Variants in ABCA13 observed in about 807,000 individuals in gnomAD.
ABCA13 encodes the protein ATP-binding cassette sub-family A member 13.
A neutral mutation model predicts 478.7 loss-of-function variants in ABCA13; 476 were observed. That is an observed-to-expected ratio of 0.99 (90% CI 0.92 to 1.07). The LOEUF (loss-of-function observed/expected upper bound fraction) is 1.07, where lower values mean the gene tolerates loss of function less well. ABCA13 is among the 50% of genes least tolerant of loss of function. The pLI is 0.00. For synonymous variants in ABCA13, 2,252 were observed against 2,158.9 expected (o/e 1.04, Z -1.20); for missense variants, 6,060 against 5,910.6 (o/e 1.03, Z -0.83).
Position 48,278,446 on chromosome 7 carries a change from G to C in ABCA13, c.7252G>C (p.Glu2418Gln). Residue 2418 changes from glutamate to glutamine, a missense_variant, in exon 18 of 62, where the codon GAA (glutamate) becomes CAA (glutamine). Physicochemically the swap from Glu to Gln is conservative, Grantham distance 29. Transcript: ENST00000435803. Reference sequence around the variant, plus strand: ...TGGGTCAGCTCTTCACCTTGTAAGAGAATGTTCAACAGAGATGGCAAGACT... The same window carrying C: ...TGGGTCAGCTCTTCACCTTGTAAGACAATGTTCAACAGAGATGGCAAGACT... ...DLGSALHLVR[E>Q]CSTEMARLLD... The C allele has an allele frequency of 1.2e-6, 2 of 1,613,970 alleles. No homozygotes were observed. Among genetic ancestry groups the C allele is most frequent in the South Asian group, 2.2e-5 (2 of 91,080 alleles).
intron 23 of ABCA13, among the ~76,000 whole-genome samples, chr7:48,299,288 T>G (rs573997088): frequency 6.6e-6 from 1 of 152,244 alleles, no homozygotes; most frequent in East Asian, 1.9e-4. Flanking sequence ...ACGTTTAATA[T>G]CATGTCAATT....
chr7:48,427,879 C>G lies in ABCA13; in HGVS notation c.12565+8C>G. On this transcript the variant is annotated splice_region_variant and intron_variant, in intron 42 of 61. Coordinates refer to ENST00000435803, the MANE Select transcript of ABCA13 (RefSeq NM_152701.5). ...GACATCTGTCTGGCTACTGTAAGTA[C>G]AGAATGGCTTCCTGCATTTCTGCTG... The G allele has an allele frequency of 6.4e-7, 1 of 1,556,528 alleles. No individual in the cohort carries two copies. The highest frequency in any genetic ancestry group is 8.7e-7 in the Non-Finnish European group (1 of 1,145,130).
At position 48,273,486 on chromosome 7, in the gene ABCA13, G is replaced by GA; in HGVS notation, c.3823dup (p.Ser1275LysfsTer12). The stretch of plus-strand genomic sequence containing the variant: ...TCAGTTGAAGACATTTCCATTCAAC[G>GA]AAAGTACAAGCAGAGAGTTTTTAAA... On this transcript the variant is annotated frameshift_variant, in exon 17 of 62. Transcript: ENST00000435803. LOFTEE classifies it high-confidence loss of function. The GA allele has an allele frequency of 6.2e-7, 1 of 1,604,068 alleles. No homozygotes were observed. The highest frequency in any genetic ancestry group is 8.5e-7 in the Non-Finnish European group (1 of 1,174,360).
At chr7:48,496,231 T>C (rs1274366130) in intron 48 of ABCA13, among the ~76,000 whole-genome samples, 1 of 152,126 alleles carries the variant, frequency 6.6e-6, no homozygotes, top group East Asian at 1.9e-4. Context: ...TTTATAGTAT[T>C]TTTAAGTATA....
intron 55 of ABCA13, among the ~76,000 whole-genome samples, chr7:48,569,258 A>G (rs1050070503): frequency 1.3e-5 from 2 of 152,074 alleles, no homozygotes. Flanking sequence ...TTACAGCTGT[A>G]TCTTCTCTTT....
intron 35 of ABCA13, among the ~76,000 whole-genome samples, chr7:48,385,228 A>T (rs1363952925): frequency 6.6e-6 from 1 of 152,048 alleles, no homozygotes; most frequent in Non-Finnish European, 1.5e-5. Context: ...TGTACAGATT[A>T]TTTTGTCACC....
chr7:48,607,395 T>G (rs1791581584), intron 58 of ABCA13, among the ~76,000 whole-genome samples: 1 of 145,438 alleles, frequency 6.9e-6, no homozygotes, highest in South Asian at 2.3e-4. Flanking sequence ...CCAGTCTCAA[T>G]GAGATGAACC....
chr7:48,268,378 C>T lies in ABCA13; in HGVS notation c.2006-602C>T, dbSNP rs184615601. ...TTCACCATGTTGGCCAGGCTAGTCT[C>T]AAACTCCTGACCTCAGGTGATCCAT... On this transcript the variant is annotated intron_variant, in intron 15 of 61. Transcript: ENST00000435803. 8.1e-4 allele frequency among the ~76,000 whole-genome samples: 123 copies of T among 152,190 alleles called. 2 individuals are homozygous for T. Among genetic ancestry groups the T allele is most frequent in the African/African-American group, 2.7e-3 (114 of 41,544 alleles).
chr7:48,186,091 C>A (rs1163121903), intron 1 of ABCA13, among the ~76,000 whole-genome samples: 1 of 151,774 alleles, frequency 6.6e-6, no homozygotes, highest in East Asian at 1.9e-4. Context: ...ATTCTATGTC[C>A]TTATATTTTA....
At position 48,272,402 on chromosome 7, in the gene ABCA13, G is replaced by A. The variant is rs1795735310; in HGVS notation, c.2736G>A (p.Gln912=). The A allele has an allele frequency of 6.2e-7, 1 of 1,613,690 alleles. No individual in the cohort carries two copies. The highest frequency in any genetic ancestry group is 1.7e-5 in the Admixed American group (1 of 59,984). Residue 912 remains glutamine, a synonymous_variant, in exon 17 of 62, where the codon CAG becomes CAA. Coordinates refer to ENST00000435803, the MANE Select transcript of ABCA13 (RefSeq NM_152701.5). ...LHEFGFLEQE[Q]ISEALNTVYA... ...AATTTGGATTTTTGGAGCAGGAACAGATCTCAGAAGCTCTGAACACAGTCT... is the reference window on the plus strand; with the variant it reads ...AATTTGGATTTTTGGAGCAGGAACAAATCTCAGAAGCTCTGAACACAGTCT...
chr7:48,197,911 C>T (rs1248822617), intron 2 of ABCA13, among the ~76,000 whole-genome samples: 1 of 152,116 alleles, frequency 6.6e-6, no homozygotes, highest in East Asian at 1.9e-4. Context: ...AGCTTGTTTA[C>T]AGAGAGCGGT....
chr7:48,373,265 C>T (rs866658256), intron 33 of ABCA13, among the ~76,000 whole-genome samples: 1 of 152,148 alleles, frequency 6.6e-6, no homozygotes, highest in South Asian at 2.1e-4. Flanking sequence ...TACGGGGCTG[C>T]TCAGGGGTAT....
At position 48,474,247 on chromosome 7, in the gene ABCA13, C is replaced by T. The variant is rs544982909; in HGVS notation, c.12975+2648C>T. ...CACATCACAGAGTAATTACCCCAAA[C>T]CCCCAAAGAGGTGCAGAAATTTCTA... On this transcript the variant is annotated intron_variant, in intron 45 of 61. Transcript: ENST00000435803. Among the ~76,000 whole-genome samples, 336 of 152,106 alleles carry T rather than the reference C, an allele frequency of 2.2e-3. 1 individual carries two copies. The highest frequency in any genetic ancestry group is 7.5e-3 in the African/African-American group (311 of 41,504).
intron 3 of ABCA13, 112 bp from the exon 4 acceptor site, chr7:48,219,242 T>C: frequency 8.9e-7 from 1 of 1,124,994 alleles, no homozygotes; most frequent in Non-Finnish European, 1.2e-6. Flanking sequence ...GATGAGAGTG[T>C]AAGTTGGTAC....
intron 31 of ABCA13, among the ~76,000 whole-genome samples, chr7:48,365,329 T>C (rs1319972171): frequency 6.6e-6 from 1 of 152,164 alleles, no homozygotes; most frequent in Non-Finnish European, 1.5e-5. Context: ...CCTTGTCAGA[T>C]GGATACTTTG....
chr7:48,388,699 G>A (rs1045112218), intron 36 of ABCA13, among the ~76,000 whole-genome samples: 2 of 152,170 alleles, frequency 1.3e-5, no homozygotes, highest in Admixed American at 6.5e-5. Context: ...CCACTCTCAC[G>A]TCCTCAGGAG....
chr7:48,584,392 T>C (rs1272531334), intron 56 of ABCA13, among the ~76,000 whole-genome samples: 1 of 152,194 alleles, frequency 6.6e-6, no homozygotes, highest in African/African-American at 2.4e-5. Context: ...GTAAAATTGA[T>C]TTTCTGCCAG....
intron 20 of ABCA13, among the ~76,000 whole-genome samples, chr7:48,295,112 T>A (rs531400942): frequency 1.3e-5 from 2 of 152,336 alleles, no homozygotes; most frequent in South Asian, 4.1e-4. Context: ...TCATACTGTT[T>A]TCCATAATGG....
At chr7:48,224,081 G>A (rs1787795243) in intron 5 of ABCA13, among the ~76,000 whole-genome samples, 1 of 152,114 alleles carries the variant, frequency 6.6e-6, no homozygotes, top group Non-Finnish European at 1.5e-5. Context: ...AAGCTGCTGG[G>A]CATTGCAGAG....
Sources: gnomAD v4.1 joint callset for allele counts (sites outside exome capture counted in the v4.1 genomes callset) on GRCh38, gnomAD v4.1.1 for gene constraint, MANE v1.5 for transcripts, NCBI Gene and HGNC (gene_info 2026-07-23, HGNC 2026-07-21) for gene names.